The following ANK2 variants were observed in gnomAD, a reference collection of about 807,000 sequenced individuals.
The protein encoded by ANK2 is ankyrin 2.
A neutral mutation model predicts 360.5 loss-of-function variants in ANK2; 83 were observed. That is an observed-to-expected ratio of 0.23 (90% CI 0.19 to 0.28). The LOEUF (loss-of-function observed/expected upper bound fraction) is 0.28, where lower values mean the gene tolerates loss of function less well. ANK2 is among the 10% of genes least tolerant of loss of function. The probability of loss-of-function intolerance (pLI) is 1.00; values close to 1 mark genes in which losing one functional copy is unlikely to be tolerated. For missense variants in ANK2, 4,201 were observed against 4,795.7 expected, an observed-to-expected ratio of 0.88 and a Z score of 3.66; for synonymous variants, 1,740 against 1,759.5, an observed-to-expected ratio of 0.99 and a Z score of 0.28.
At chr4:112,986,004 T>G (rs1229563688) in intron 2 of ANK2, among the ~76,000 whole-genome samples, 1 of 143,678 alleles carries the variant, frequency 7.0e-6, no homozygotes, top group Non-Finnish European at 1.5e-5. Context: ...AAATTATATA[T>G]AAATATAAAA....
chr4:112,951,069 G>A (rs2094942166), intron 2 of ANK2, among the ~76,000 whole-genome samples: 4 of 116,932 alleles, frequency 3.4e-5, no homozygotes, highest in Non-Finnish European at 6.6e-5. Context: ...GCGACAGAGC[G>A]AGCCTCCGTC....
intron 1 of ANK2, 113 bp from the exon 2 acceptor site, chr4:113,174,303 A>C: frequency 1.2e-6 from 1 of 839,576 alleles, no homozygotes; most frequent in East Asian, 2.9e-5. Flanking sequence ...GTATTATTGA[A>C]ATTTTTCCAA....
intron 45 of ANK2, among the ~76,000 whole-genome samples, chr4:113,380,254 T>TAAA (rs11307685): frequency 2.1e-5 from 3 of 143,560 alleles, no homozygotes; most frequent in Admixed American, 2.1e-4. Context: ...TACTTTACTC[T>TAAA]AAAAAAAAAA....
Position 113,360,975 on chromosome 4 carries a change from G to T in ANK2, c.10756+78G>T, listed in dbSNP as rs189404520. On this transcript the variant is annotated intron_variant, in intron 39 of 45. Coordinates refer to ENST00000357077, the MANE Select transcript of ANK2 (RefSeq NM_001148.6). ...TCAGGTGTCATTCACAGCATAAAAG[G>T]TACCCCCCACTTTCTTGAGAAAGAA... The T allele has an allele frequency of 1.7e-4, 216 of 1,266,064 alleles. 2 individuals are homozygous for T. In the South Asian group the frequency reaches 2.6e-3, roughly 15 times the overall value. The allele number at this position is 1,266,064 out of a possible 1,614,324, so 78.4% of individuals were successfully genotyped here.
intron 2 of ANK2, among the ~76,000 whole-genome samples, chr4:112,934,124 G>A (rs2093517206): frequency 1.3e-5 from 2 of 151,932 alleles, no homozygotes; most frequent in Non-Finnish European, 2.9e-5. Flanking sequence ...GTGTAGTTTC[G>A]GGAGACAGAA....
chr4:113,207,111 GCA>G (rs112753371), intron 4 of ANK2, among the ~76,000 whole-genome samples: 7 of 150,674 alleles, frequency 4.6e-5, no homozygotes, highest in Admixed American at 6.6e-5. Context: ...GCGTGCACAC[GCA>G]CACACACACA....
intron 1 of ANK2, among the ~76,000 whole-genome samples, chr4:112,878,155 C>CATCTATCTATCTATCTATCTATCTATCT (rs10525579): frequency 0.022 from 3,299 of 147,592 alleles, 69 homozygotes; most frequent in African/African-American, 0.036. Context: ...ACTTTAGACT[C>CATCTATCTATCTATCTATCTATCTATCT]ATCTATCTAT....
intron 24 of ANK2, among the ~76,000 whole-genome samples, chr4:113,317,249 G>A (rs531081133): frequency 5.3e-5 from 8 of 152,244 alleles, no homozygotes; most frequent in African/African-American, 1.9e-4. Flanking sequence ...AAAATAATAA[G>A]CGAAAATGAA....
chr4:113,092,040 G>A (rs769219637), intron 1 of ANK2, among the ~76,000 whole-genome samples: 1 of 152,186 alleles, frequency 6.6e-6, no homozygotes, highest in African/African-American at 2.4e-5. Context: ...AAGATTGGTA[G>A]AAACTGTGGA....
intron 31 of ANK2, among the ~76,000 whole-genome samples, chr4:113,337,368 A>G (rs1414821521): frequency 6.6e-6 from 1 of 152,182 alleles, no homozygotes; most frequent in African/African-American, 2.4e-5. Flanking sequence ...AGTCGCTTTC[A>G]GACAGCTACC....
At chr4:113,125,836 A>G (rs1582349538) in intron 1 of ANK2, among the ~76,000 whole-genome samples, 1 of 152,174 alleles carries the variant, frequency 6.6e-6, no homozygotes, top group African/African-American at 2.4e-5. Context: ...TTTCACAGAT[A>G]ATAAGAATGA....
chr4:112,810,141 ATATATATATATATATATATTTTT>A, the ANK2 span, among the ~76,000 whole-genome samples: 1 of 26,058 alleles, frequency 3.8e-5, no homozygotes, highest in East Asian at 2.1e-3. Context: ...ATATATATAT[ATATATATATATATATATATTTTT>A]TTTTTTTTTT....
chr4:112,844,146 A>G (rs1376194378), intron 1 of ANK2, among the ~76,000 whole-genome samples: 1 of 152,116 alleles, frequency 6.6e-6, no homozygotes, highest in Non-Finnish European at 1.5e-5. Flanking sequence ...TGTATTCACC[A>G]TTTCCCTATT....
intron 1 of ANK2, among the ~76,000 whole-genome samples, chr4:113,112,598 T>C (rs978770007): frequency 6.6e-6 from 1 of 152,182 alleles, no homozygotes; most frequent in Non-Finnish European, 1.5e-5. Flanking sequence ...ATGGTCACTA[T>C]TTATGACCTA....
intron 2 of ANK2, among the ~76,000 whole-genome samples, chr4:112,933,037 C>T (rs866214501): frequency 1.1e-4 from 17 of 151,942 alleles, no homozygotes; most frequent in African/African-American, 3.9e-4. Flanking sequence ...TGGATATAAG[C>T]AGGGAAATTT....
chr4:112,856,113 G>T (rs2066341376), intron 1 of ANK2, among the ~76,000 whole-genome samples: 2 of 152,074 alleles, frequency 1.3e-5, no homozygotes, highest in African/African-American at 4.8e-5. Context: ...CTGTCATTTA[G>T]ATGTTTGATT....
intron 9 of ANK2, among the ~76,000 whole-genome samples, chr4:113,242,506 CT>C (rs1382245052): frequency 1.3e-5 from 2 of 152,212 alleles, no homozygotes; most frequent in African/African-American, 4.8e-5. Context: ...ACACAACTCT[CT>C]TTTGGGTAGT....
chr4:113,358,445 C>A lies in ANK2; in HGVS notation c.9827C>A (p.Ser3276Tyr). 6.2e-7 allele frequency: 1 copy of A among 1,614,114 alleles called. No individual in the cohort carries two copies. The highest frequency in any genetic ancestry group is 8.5e-7 in the Non-Finnish European group (1 of 1,179,966). ...YSDRGDDSPD[S>Y]SPEEQKSVIE... is the part of the protein sequence containing the mutation. ...GATAGGGGTGATGATTCTCCCGATT[C>A]TTCCCCAGAAGAACAGAAATCAGTA... Residue 3276 changes from serine (S) to tyrosine (Y), a missense_variant, in exon 38 of 46, where the codon TCT becomes TAT. Ser to Tyr is a moderately radical substitution (Grantham distance 144). Transcript: ENST00000357077.
chr4:112,917,503 G>A (rs956237953), intron 2 of ANK2, among the ~76,000 whole-genome samples: 3 of 152,222 alleles, frequency 2.0e-5, no homozygotes, highest in Non-Finnish European at 4.4e-5. Context: ...GTGGAGCTCA[G>A]TTCATGAGGG....
Sources: allele counts gnomAD v4.1 joint callset (sites outside exome capture counted in the v4.1 genomes callset), GRCh38; gene constraint gnomAD v4.1.1; transcripts MANE v1.5; gene names NCBI Gene and HGNC (gene_info 2026-07-23, HGNC 2026-07-21).